MARCHF1: variants seen among roughly 807,000 people sequenced by gnomAD.
The protein encoded by MARCHF1 is E3 ubiquitin-protein ligase MARCHF1.
A neutral mutation model predicts 54.2 loss-of-function variants in MARCHF1; 40 were observed. That is an observed-to-expected ratio of 0.74 (90% CI 0.57 to 0.96). The LOEUF (loss-of-function observed/expected upper bound fraction) is 0.96. MARCHF1 is among the 40% of genes least tolerant of loss of function. MARCHF1 has a pLI of 0.00. For missense variants in MARCHF1, 586 were observed against 656.5 expected, an observed-to-expected ratio of 0.89 and a Z score of 1.17; for synonymous variants, 236 against 236.3, an observed-to-expected ratio of 1.00 and a Z score of 0.01.
rs184202907 is a variant in MARCHF1 at position 163,621,547 on chromosome 4, T to G, written c.163-8154A>C. ...AATATTTGTGAAAGCTTGATTTTTTTAAACAAAGAAAACTGTGTTTTCTAA... is the reference window on the plus strand; with the variant it reads ...AATATTTGTGAAAGCTTGATTTTTTGAAACAAAGAAAACTGTGTTTTCTAA... On this transcript the variant is annotated intron_variant, in intron 5 of 9. Coordinates refer to ENST00000514618, the MANE Select transcript of MARCHF1 (RefSeq NM_001394959.1). Among the ~76,000 whole-genome samples, 45 of 152,298 alleles carry G rather than the reference T, an allele frequency of 3.0e-4. No individual in the cohort carries two copies. The East Asian group carries it at 6.2e-3, about 21-fold the overall frequency.
At chr4:163,670,907 G>A (rs1743714134) in intron 5 of MARCHF1, among the ~76,000 whole-genome samples, 1 of 152,136 alleles carries the variant, frequency 6.6e-6, no homozygotes, top group Non-Finnish European at 1.5e-5. Flanking sequence ...TAGCAATGGT[G>A]AATTTGTTTT....
At chr4:163,863,027 A>G (rs555376825) in intron 3 of MARCHF1, among the ~76,000 whole-genome samples, 15 of 152,256 alleles carry the variant, frequency 9.9e-5, no homozygotes, top group Admixed American at 5.2e-4. Flanking sequence ...CTATAGCAGC[A>G]GTAAAATGAT....
chr4:164,099,785 C>G (rs1200911499), intron 2 of MARCHF1, among the ~76,000 whole-genome samples: 1 of 151,706 alleles, frequency 6.6e-6, no homozygotes, highest in Non-Finnish European at 1.5e-5. Flanking sequence ...GTCATAATAT[C>G]AAAAATATAT....
At chr4:163,595,177 C>T (rs1215619422) in intron 7 of MARCHF1, among the ~76,000 whole-genome samples, 1 of 109,128 alleles carries the variant, frequency 9.2e-6, no homozygotes, top group Non-Finnish European at 2.0e-5. Flanking sequence ...AGTGAAGCTA[C>T]GGAAACAACC....
In MARCHF1 at chr4:163,915,925, C is replaced by T. The variant is rs78640626; in HGVS notation, c.-38-61756G>A. Among the ~76,000 whole-genome samples, 1,408 of 152,152 alleles carry T rather than the reference C, an allele frequency of 9.3e-3. 24 individuals carry two copies. The highest frequency in any genetic ancestry group is 0.031 in the African/African-American group (1,298 of 41,510). ...TTGGCCAGTGGCTTGATACAAAAAC[C>T]TTCCCATTTAAGAACCTGAATATAG... On this transcript the variant is annotated intron_variant, in intron 3 of 9. Coordinates refer to ENST00000514618, the MANE Select transcript of MARCHF1 (RefSeq NM_001394959.1).
chr4:164,130,684 G>T (rs1274256184), intron 1 of MARCHF1, among the ~76,000 whole-genome samples: 1 of 152,084 alleles, frequency 6.6e-6, no homozygotes, highest in Admixed American at 6.6e-5. Context: ...GAAAATTGGG[G>T]CTTACAGAAA....
chr4:163,902,553 G>T (rs1416750182), intron 3 of MARCHF1, among the ~76,000 whole-genome samples: 1 of 152,052 alleles, frequency 6.6e-6, no homozygotes, highest in Non-Finnish European at 1.5e-5. Flanking sequence ...ACCACCTATT[G>T]CATCTTTAAT....
At chr4:163,945,460 A>T (rs1406935515) in intron 3 of MARCHF1, among the ~76,000 whole-genome samples, 1 of 152,172 alleles carries the variant, frequency 6.6e-6, no homozygotes, top group Non-Finnish European at 1.5e-5. Flanking sequence ...TGGTATCTAA[A>T]ATCACCACTA....
At chr4:164,351,358 C>T (rs1730324676) in intron 1 of MARCHF1, among the ~76,000 whole-genome samples, 1 of 151,190 alleles carries the variant, frequency 6.6e-6, no homozygotes, top group Non-Finnish European at 1.5e-5. Flanking sequence ...ACTTAAATGT[C>T]CCTGTCTGAC....
chr4:163,564,566 C>A (rs958655808), intron 8 of MARCHF1, among the ~76,000 whole-genome samples: 5 of 152,034 alleles, frequency 3.3e-5, no homozygotes, highest in Non-Finnish European at 5.9e-5. Context: ...AGTTTCTGAA[C>A]AAAAACTTAA....
At chr4:163,743,577 C>T (rs1442201683) in intron 4 of MARCHF1, among the ~76,000 whole-genome samples, 2 of 122,662 alleles carry the variant, frequency 1.6e-5, no homozygotes. Flanking sequence ...GATACACCAT[C>T]TTTTTTTTTT....
chr4:163,984,637 G>T (rs1752826443), intron 3 of MARCHF1, among the ~76,000 whole-genome samples: 1 of 152,162 alleles, frequency 6.6e-6, no homozygotes, highest in Non-Finnish European at 1.5e-5. Context: ...ACAATTATTA[G>T]AATTTCCAGA....
chr4:164,013,565 C>G (rs1389709154), intron 2 of MARCHF1, among the ~76,000 whole-genome samples: 2 of 152,038 alleles, frequency 1.3e-5, no homozygotes, highest in East Asian at 3.9e-4. Flanking sequence ...AAATTTAACC[C>G]AAATAAGACT....
In MARCHF1 at chr4:163,720,167, C is replaced by T. The variant is rs540398805; in HGVS notation, c.112-19304G>A. ...AGGGTTTTTATGGTTTTAGGTCTAA[C>T]ATTTAAGTCTTTAATCCATCTTGAA... On this transcript the variant is annotated intron_variant, in intron 4 of 9. Transcript: ENST00000514618. Among the ~76,000 whole-genome samples, 8 of 152,262 alleles carry T rather than the reference C, an allele frequency of 5.3e-5. No individual in the cohort carries two copies. In the East Asian group the frequency reaches 1.3e-3, roughly 26 times the overall value.
At chr4:163,997,039 A>T (rs536061303) in intron 2 of MARCHF1, among the ~76,000 whole-genome samples, 1 of 152,156 alleles carries the variant, frequency 6.6e-6, no homozygotes, top group East Asian at 1.9e-4. Context: ...AGGTCCATTG[A>T]TTCATTGTTA....
At chr4:164,015,810 A>C (rs1233737457) in intron 2 of MARCHF1, among the ~76,000 whole-genome samples, 1 of 152,148 alleles carries the variant, frequency 6.6e-6, no homozygotes, top group East Asian at 1.9e-4. Flanking sequence ...AGCAATAACA[A>C]ATGCGGAGAA....
chr4:163,965,928 C>T (rs1279624254), intron 3 of MARCHF1, among the ~76,000 whole-genome samples: 1 of 152,026 alleles, frequency 6.6e-6, no homozygotes, highest in Non-Finnish European at 1.5e-5. Context: ...TCATTTGTGC[C>T]TCTCACAATT....
At chr4:163,628,792 C>T (rs749400803) in intron 5 of MARCHF1, among the ~76,000 whole-genome samples, 3 of 152,106 alleles carry the variant, frequency 2.0e-5, no homozygotes, top group Non-Finnish European at 4.4e-5. Flanking sequence ...AGTGAACTCC[C>T]ATTCACAATT....
intron 3 of MARCHF1, among the ~76,000 whole-genome samples, chr4:163,979,251 A>G (rs1274534901): frequency 5.7e-5 from 6 of 106,170 alleles, no homozygotes; most frequent in Non-Finnish European, 8.9e-5. Flanking sequence ...ATTCCCACCT[A>G]TGAGTGAGAA....
Sources: allele counts gnomAD v4.1 joint callset (sites outside exome capture counted in the v4.1 genomes callset), GRCh38; gene constraint gnomAD v4.1.1; transcripts MANE v1.5; gene names NCBI Gene and HGNC (gene_info 2026-07-23, HGNC 2026-07-21).